SPATA6L: variants seen among roughly 807,000 people sequenced by gnomAD.
SPATA6L encodes spermatogenesis associated 6-like protein.
Under a neutral mutation model 49.2 loss-of-function variants are expected in SPATA6L, and 68 were observed. The ratio of observed to expected loss-of-function variants is 1.38; its 90% CI spans 1.14 to 1.69. The LOEUF (loss-of-function observed/expected upper bound fraction) is 1.69. Among genes scored for constraint, SPATA6L ranks in the 40% most tolerant of loss-of-function variants. SPATA6L has a pLI of 0.00. For missense variants in SPATA6L, 668 were observed against 464.3 expected (o/e 1.44, Z -4.03); for synonymous variants, 198 against 165.7 (o/e 1.19, Z -1.50).
chr9:4,609,958 C>CA (rs1421665537), intron 9 of SPATA6L, among the ~76,000 whole-genome samples: 2 of 151,942 alleles, frequency 1.3e-5, no homozygotes, highest in African/African-American at 4.8e-5. Flanking sequence ...TCTCAGGATA[C>CA]AAAATCAATG....
intron 2 of SPATA6L, among the ~76,000 whole-genome samples, chr9:4,659,943 T>C (rs7875870): frequency 0.43 from 65,608 of 152,094 alleles, 14,288 homozygotes; most frequent in East Asian, 0.64. Flanking sequence ...GATTCCCTAT[T>C]TAATAAATGG....
chr9:4,645,252 C>A (rs936959130), intron 3 of SPATA6L, among the ~76,000 whole-genome samples: 1 of 152,164 alleles, frequency 6.6e-6, no homozygotes, highest in Non-Finnish European at 1.5e-5. Flanking sequence ...AAATATACAA[C>A]AATTTGTACA....
chr9:4,661,977 G>C lies in SPATA6L; in HGVS notation c.99C>G (p.Leu33=). Residue 33 remains leucine (L), a synonymous_variant, in exon 2 of 12, where the codon CTC becomes CTG. Coordinates refer to ENST00000682582, the MANE Select transcript of SPATA6L (RefSeq NM_001353486.2). ...TGTTGGTCTCCAGGTACTGATTCAT[G>C]AGGTAGACCCCGAGGTACACATCTT... is the stretch of plus-strand genomic sequence containing the variant. ...GKQDVYLGVY[L]MNQYLETNSF... The C allele has an allele frequency of 1.2e-6, 2 of 1,614,098 alleles. No individual in the cohort carries two copies. The highest frequency in any genetic ancestry group is 1.7e-6 in the Non-Finnish European group (2 of 1,179,984).
chr9:4,660,411 G>A (rs1839345341), intron 2 of SPATA6L, among the ~76,000 whole-genome samples: 1 of 152,230 alleles, frequency 6.6e-6, no homozygotes, highest in South Asian at 2.1e-4. Context: ...CATTTACACA[G>A]CCAACAGACA....
At position 4,661,914 on chromosome 9, in the gene SPATA6L, G is replaced by A. The variant is rs373553822; in HGVS notation, c.162C>T (p.Ser54=). The stretch of plus-strand genomic sequence containing the variant: ...TCAAGATCACCTTTTCAAATCTCAT[G>A]CTCTCCTGAATCATAATGGGGAACG... The part of the protein sequence containing the change: ...PSAFPIMIQE[S]MRFEKVFESA... Residue 54 remains serine (S), a synonymous_variant, in exon 2 of 12, where the codon AGC becomes AGT. Coordinates refer to ENST00000682582, the MANE Select transcript of SPATA6L (RefSeq NM_001353486.2). The A allele has an allele frequency of 5.0e-6, 8 of 1,613,636 alleles. No individual in the cohort carries two copies. The East Asian group carries it at 6.7e-5, about 13-fold the overall frequency.
chr9:4,659,059 C>G (rs1405835142), intron 2 of SPATA6L, among the ~76,000 whole-genome samples: 1 of 152,094 alleles, frequency 6.6e-6, no homozygotes, highest in South Asian at 2.1e-4. Context: ...CAACTTTTTA[C>G]CATTTCTAAC....
Position 4,654,046 on chromosome 9 carries a change from A to C in SPATA6L, c.226+1995T>G, listed in dbSNP as rs114966966. 8.2e-3 allele frequency among the ~76,000 whole-genome samples: 1,251 copies of C among 152,338 alleles called. 11 individuals carry two copies. Among genetic ancestry groups the C allele is most frequent in the African/African-American group, 0.028 (1,170 of 41,578 alleles). On this transcript the variant is annotated intron_variant, in intron 3 of 11. Coordinates refer to ENST00000682582, the MANE Select transcript of SPATA6L (RefSeq NM_001353486.2). ...ACAAATGGCCAAATATCTCATGAAA[A>C]TGTGTTCAATATCATTAGCCATCAG... is the stretch of plus-strand genomic sequence containing the variant.
chr9:4,658,358 A>T (rs906616411), intron 2 of SPATA6L, among the ~76,000 whole-genome samples: 4 of 152,246 alleles, frequency 2.6e-5, no homozygotes, highest in Admixed American at 6.5e-5. Context: ...TACACAGAAG[A>T]TCCGAGGAAA....
downstream of SPATA6L, among the ~76,000 whole-genome samples, chr9:4,597,375 G>C (rs1255992530): frequency 6.6e-6 from 1 of 150,668 alleles, no homozygotes; most frequent in Admixed American, 6.6e-5. Context: ...CACACGGTGG[G>C]GCGTGGGGGG....
At chr9:4,622,012 CATCTCCTGATCACCATCA>C (rs760874151) in intron 7 of SPATA6L, among the ~76,000 whole-genome samples, 66 of 152,224 alleles carry the variant, frequency 4.3e-4, no homozygotes, top group Non-Finnish European at 8.7e-4. Context: ...GCAAATGTTA[CATCTCCTGATCACCATCA>C]ATCTCCTGTT....
At chr9:4,607,177 C>G (rs996543880) in intron 9 of SPATA6L, among the ~76,000 whole-genome samples, 16 of 152,106 alleles carry the variant, frequency 1.1e-4, no homozygotes, top group African/African-American at 3.4e-4. Flanking sequence ...ATTGGTATAC[C>G]TGAAAGTGAC....
At chr9:4,613,637 G>A (rs1490728872) in intron 9 of SPATA6L, among the ~76,000 whole-genome samples, 1 of 151,828 alleles carries the variant, frequency 6.6e-6, no homozygotes, top group Admixed American at 6.6e-5. Flanking sequence ...ATGCTGGAGT[G>A]CAGTGGCGCT....
At chr9:4,637,972 A>G (rs1833140133) in intron 3 of SPATA6L, among the ~76,000 whole-genome samples, 1 of 152,318 alleles carries the variant, frequency 6.6e-6, no homozygotes. Context: ...TCATTCATAC[A>G]TTCAAAAAAC....
chr9:4,641,180 CAA>C (rs1833956854), intron 3 of SPATA6L, among the ~76,000 whole-genome samples: 2 of 118,336 alleles, frequency 1.7e-5, no homozygotes, highest in African/African-American at 8.2e-5. Context: ...GTATATTCAA[CAA>C]CCATAAAATA....
intron 9 of SPATA6L, among the ~76,000 whole-genome samples, chr9:4,606,397 T>C (rs1564125668): frequency 1.8e-5 from 2 of 108,188 alleles, no homozygotes; most frequent in South Asian, 6.4e-4. Flanking sequence ...TAAATGTCCC[T>C]GTCTGACAGC....
At position 4,601,217 on chromosome 9, in the gene SPATA6L, C is replaced by A. The variant is rs376967945; in HGVS notation, c.*2-408G>T. Among the ~76,000 whole-genome samples, 3 of 152,066 alleles carry A rather than the reference C, an allele frequency of 2.0e-5. No homozygotes were observed. In the East Asian group the frequency reaches 5.8e-4, roughly 29 times the overall value. On this transcript the variant is annotated intron_variant, in intron 11 of 11. Coordinates refer to ENST00000682582, the MANE Select transcript of SPATA6L (RefSeq NM_001353486.2). ...CCTCCTTCCTCCCTTCCTTCCTTCC[C>A]TCCCTCACTCCCTTCTTTCTTCCTT...
At chr9:4,644,740 C>T (rs1262394591) in intron 3 of SPATA6L, among the ~76,000 whole-genome samples, 2 of 149,734 alleles carry the variant, frequency 1.3e-5, no homozygotes, top group Admixed American at 6.7e-5. Context: ...TGCCAACAAC[C>T]CTAAAATCAC....
chr9:4,663,145 A>T, intron 1 of SPATA6L: 1 of 1,614,066 alleles, frequency 6.2e-7, no homozygotes, highest in Non-Finnish European at 8.5e-7. Flanking sequence ...GGGCGGCACA[A>T]TGTCACCGAC....
At chr9:4,630,276 A>G (rs1831256296) in intron 4 of SPATA6L, among the ~76,000 whole-genome samples, 1 of 152,174 alleles carries the variant, frequency 6.6e-6, no homozygotes, top group Non-Finnish European at 1.5e-5. Flanking sequence ...TAGACCAAAA[A>G]AGCATCAATT....
Sources: allele counts gnomAD v4.1 joint callset (sites outside exome capture counted in the v4.1 genomes callset), GRCh38; gene constraint gnomAD v4.1.1; transcripts MANE v1.5; gene names NCBI Gene and HGNC (gene_info 2026-07-23, HGNC 2026-07-21).